MYRIP: variants seen among roughly 807,000 people sequenced by gnomAD.
MYRIP encodes rab effector MyRIP.
MYRIP carries 49 observed loss-of-function variants against 98.0 expected under a neutral mutation model. That is an observed-to-expected ratio of 0.50 (90% CI 0.40 to 0.63). The LOEUF (loss-of-function observed/expected upper bound fraction) is 0.63, where lower values mean the gene tolerates loss of function less well. Among genes scored for constraint, MYRIP ranks in the 30% least tolerant of loss-of-function variants. The pLI is 0.00. For missense variants in MYRIP, 1,004 were observed against 1,058.2 expected (o/e 0.95, Z 0.71); for synonymous variants, 404 against 409.5 (o/e 0.99, Z 0.16).
chr3:40,146,330 T>C (rs1395674388), intron 3 of MYRIP, among the ~76,000 whole-genome samples: 3 of 152,198 alleles, frequency 2.0e-5, no homozygotes, highest in African/African-American at 4.8e-5. Flanking sequence ...GGAACTGTTT[T>C]ATAGGCAGAG....
At chr3:39,951,600 C>A (rs1320391432) in intron 2 of MYRIP, among the ~76,000 whole-genome samples, 1 of 152,092 alleles carries the variant, frequency 6.6e-6, no homozygotes, top group Admixed American at 6.6e-5. Flanking sequence ...ACTTTGTGAA[C>A]ATTAAATTTG....
At chr3:39,947,991 T>C (rs1944937805) in intron 2 of MYRIP, among the ~76,000 whole-genome samples, 1 of 152,144 alleles carries the variant, frequency 6.6e-6, no homozygotes, top group South Asian at 2.1e-4. Flanking sequence ...AGCAAGACTT[T>C]TGAAGACTAT....
At chr3:40,231,907 C>T (rs1952670885) in intron 11 of MYRIP, among the ~76,000 whole-genome samples, 1 of 152,156 alleles carries the variant, frequency 6.6e-6, no homozygotes, top group Non-Finnish European at 1.5e-5. Context: ...CTCATGCATA[C>T]AATGTTGCCC....
At chr3:40,129,240 T>C (rs1382240287) in intron 3 of MYRIP, among the ~76,000 whole-genome samples, 1 of 151,162 alleles carries the variant, frequency 6.6e-6, no homozygotes, top group Non-Finnish European at 1.5e-5. Context: ...AGTTCAAGAC[T>C]AGCCTGGCCA....
chr3:40,027,860 G>T (rs77052011), intron 2 of MYRIP, among the ~76,000 whole-genome samples: 2,841 of 152,156 alleles, frequency 0.019, 32 homozygotes, highest in Non-Finnish European at 0.031. Context: ...CTGGATGGGG[G>T]TTTCTGCAGC....
chr3:40,108,176 AG>A (rs1559403648), intron 3 of MYRIP, among the ~76,000 whole-genome samples: 2 of 3,832 alleles, frequency 5.2e-4, no homozygotes, highest in Non-Finnish European at 2.2e-3. Flanking sequence ...AGTGTTTGTG[AG>A]AGAGAGAGAG....
chr3:40,061,643 C>T (rs1300388328), intron 3 of MYRIP, among the ~76,000 whole-genome samples: 2 of 152,154 alleles, frequency 1.3e-5, no homozygotes, highest in African/African-American at 4.8e-5. Context: ...GTTTTTAGTT[C>T]TTTGAGGAAT....
chr3:40,216,118 C>T, intron 11 of MYRIP, among the ~76,000 whole-genome samples: 1 of 152,160 alleles, frequency 6.6e-6, no homozygotes. Flanking sequence ...GGAAAGATTG[C>T]CCAGAACTCC....
chr3:39,842,265 G>A (rs1941826350), intron 1 of MYRIP, among the ~76,000 whole-genome samples: 1 of 152,150 alleles, frequency 6.6e-6, no homozygotes, highest in Non-Finnish European at 1.5e-5. Flanking sequence ...ACTGTAAGGG[G>A]AAAACCACCT....
At chr3:40,045,459 C>A (rs2125833576) in intron 3 of MYRIP, among the ~76,000 whole-genome samples, 1 of 152,240 alleles carries the variant, frequency 6.6e-6, no homozygotes, top group Non-Finnish European at 1.5e-5. Context: ...AAAAGCCCTG[C>A]AACAACAAAG....
intron 2 of MYRIP, among the ~76,000 whole-genome samples, chr3:40,036,324 A>AAAAAACAAAAC (rs1553607293): frequency 8.8e-5 from 11 of 125,622 alleles, no homozygotes; most frequent in East Asian, 4.4e-4. Context: ...AAAAAAAAAA[A>AAAAAACAAAAC]CTTTATTCAA....
intron 2 of MYRIP, among the ~76,000 whole-genome samples, chr3:39,964,414 G>A (rs1165633076): frequency 1.3e-5 from 2 of 152,150 alleles, no homozygotes; most frequent in Non-Finnish European, 2.9e-5. Context: ...TCACAATTGT[G>A]TTTGTTATTA....
intron 1 of MYRIP, among the ~76,000 whole-genome samples, chr3:39,826,909 T>C (rs994423885): frequency 1.3e-5 from 2 of 152,162 alleles, no homozygotes; most frequent in African/African-American, 4.8e-5. Context: ...TCTCTTTCTA[T>C]TGTTTTTGGT....
At chr3:39,903,227 C>T (rs1235207110) in intron 2 of MYRIP, among the ~76,000 whole-genome samples, 1 of 152,062 alleles carries the variant, frequency 6.6e-6, no homozygotes, top group African/African-American at 2.4e-5. Flanking sequence ...ATTTGCCTCA[C>T]CTTTTTATAT....
intron 2 of MYRIP, among the ~76,000 whole-genome samples, chr3:39,905,038 A>T (rs1400963083): frequency 1.3e-5 from 2 of 152,124 alleles, no homozygotes; most frequent in South Asian, 4.2e-4. Context: ...CAGGATTAAC[A>T]CTATGGATGG....
At chr3:39,824,879 C>T (rs1314818772) in intron 1 of MYRIP, among the ~76,000 whole-genome samples, 2 of 152,038 alleles carry the variant, frequency 1.3e-5, no homozygotes, top group Non-Finnish European at 2.9e-5. Flanking sequence ...CCACATCTGG[C>T]TAATTTTTTA....
rs143195698 is a variant in MYRIP, at chr3:40,005,933, G to A, written c.111-38117G>A. Among the ~76,000 whole-genome samples, 308 of 152,300 alleles carry A rather than the reference G, an allele frequency of 2.0e-3. 2 individuals carry two copies. Among genetic ancestry groups the A allele is most frequent in the African/African-American group, 7.0e-3 (289 of 41,568 alleles). The stretch of plus-strand genomic sequence containing the variant: ...TCAGGTGCTTTGAGAGTCACAGGGG[G>A]ATTTAATTTGACCTGATAGACAAGG... On this transcript the variant is annotated intron_variant, in intron 2 of 16. Transcript: ENST00000302541.
intron 2 of MYRIP, among the ~76,000 whole-genome samples, chr3:39,996,267 T>G (rs1946351411): frequency 3.3e-5 from 5 of 152,316 alleles, no homozygotes; most frequent in Admixed American, 3.3e-4. Flanking sequence ...GACCCATCTG[T>G]GTGCTGTATT....
intron 3 of MYRIP, among the ~76,000 whole-genome samples, chr3:40,073,351 G>T (rs1345962948): frequency 6.6e-6 from 1 of 152,222 alleles, no homozygotes; most frequent in Non-Finnish European, 1.5e-5. Context: ...GCAGCCCCAA[G>T]AGTTCTGCAC....
Sources: allele counts gnomAD v4.1 joint callset (sites outside exome capture counted in the v4.1 genomes callset), GRCh38; gene constraint gnomAD v4.1.1; transcripts MANE v1.5; gene names NCBI Gene and HGNC (gene_info 2026-07-23, HGNC 2026-07-21).